IDO2: variants seen among roughly 807,000 people sequenced by gnomAD.
IDO2 encodes the protein indoleamine 2,3-dioxygenase 2.
A neutral mutation model predicts 45.1 loss-of-function variants in IDO2; 46 were observed. The ratio of observed to expected loss-of-function variants is 1.02; its 90% CI spans 0.80 to 1.30. The LOEUF (loss-of-function observed/expected upper bound fraction) is 1.30. IDO2 is among the 50% of genes most tolerant of loss of function. IDO2 has a pLI of 0.00. For missense variants in IDO2, 544 were observed against 491.8 expected, an observed-to-expected ratio of 1.11 and a Z score of -1.00; for synonymous variants, 218 against 184.9, an observed-to-expected ratio of 1.18 and a Z score of -1.45.
chr8:39,995,153 C>A (rs1175248635), intron 8 of IDO2: 1 of 129,588 alleles, frequency 7.7e-6, no homozygotes, highest in African/African-American at 2.8e-5. Context: ...TCTTCTTCTT[C>A]TTCTCCTCCT....
At chr8:39,951,806 A>G (rs1807818238) in intron 2 of IDO2, among the ~76,000 whole-genome samples, 1 of 152,238 alleles carries the variant, frequency 6.6e-6, no homozygotes, top group Non-Finnish European at 1.5e-5. Context: ...GAGGAAAAAC[A>G]GTATTACAAA....
chr8:40,013,945 C>T (rs1802348161), intron 10 of IDO2, among the ~76,000 whole-genome samples: 1 of 152,120 alleles, frequency 6.6e-6, no homozygotes, highest in African/African-American at 2.4e-5. Context: ...TAAAATGTTG[C>T]TCTGTTTCCA....
intron 8 of IDO2, chr8:39,995,197 TCTTCTCCTTCTCCTTCTC>T (rs1203238423): frequency 9.9e-5 from 8 of 80,610 alleles, no homozygotes; most frequent in East Asian, 3.0e-4. Context: ...TTCTTCTTCT[TCTTCTCCTTCTCCTTCTC>T]CTTCTCCTTC....
intron 3 of IDO2, among the ~76,000 whole-genome samples, chr8:39,968,771 A>G (rs1440338762): frequency 1.3e-5 from 2 of 152,080 alleles, no homozygotes; most frequent in African/African-American, 4.8e-5. Context: ...GAGGGGCTTA[A>G]AACCTAGATG....
chr8:39,944,234 C>T (rs4090534), intron 1 of IDO2, among the ~76,000 whole-genome samples: 27,786 of 151,440 alleles, frequency 0.18, 2,944 homozygotes, highest in South Asian at 0.32. Flanking sequence ...GGAATTTCCC[C>T]AGTGAGATCT....
At chr8:40,015,778 T>G in exon 11 of IDO2, 1 of 595,812 alleles carries the variant, frequency 1.7e-6, no homozygotes, top group Non-Finnish European at 3.0e-6. Context: ...CAAAGGAGAG[T>G]TGATGTGGCC....
At chr8:39,947,239 G>A (rs1303845127) in intron 1 of IDO2, among the ~76,000 whole-genome samples, 3 of 142,352 alleles carry the variant, frequency 2.1e-5, no homozygotes, top group South Asian at 2.5e-4. Context: ...GCTGTAAAAT[G>A]TAAAGTAGAT....
intron 3 of IDO2, among the ~76,000 whole-genome samples, chr8:39,977,056 T>C (rs1027956370): frequency 5.9e-5 from 9 of 152,128 alleles, no homozygotes; most frequent in Non-Finnish European, 1.0e-4. Context: ...AAAATAATTA[T>C]ATAACACTCA....
At chr8:39,941,792 A>G (rs1807646924) in intron 1 of IDO2, among the ~76,000 whole-genome samples, 1 of 152,198 alleles carries the variant, frequency 6.6e-6, no homozygotes, top group Admixed American at 6.5e-5. Context: ...GCATGATTCT[A>G]AGAAATGAAT....
At chr8:39,970,698 A>G (rs1458561442) in intron 3 of IDO2, among the ~76,000 whole-genome samples, 1 of 151,376 alleles carries the variant, frequency 6.6e-6, no homozygotes, top group African/African-American at 2.4e-5. Flanking sequence ...GCCAGTGGCT[A>G]CATTTAAAAA....
At chr8:39,953,922 GTCCTTAAAAA>G (rs1437504902) in intron 2 of IDO2, among the ~76,000 whole-genome samples, 26 of 152,122 alleles carry the variant, frequency 1.7e-4, no homozygotes, top group Admixed American at 1.7e-3. Flanking sequence ...TCCCTGTCTT[GTCCTTAAAAA>G]TAATTTGTAA....
At chr8:39,986,674 A>ATAGT (rs1342645615) in intron 6 of IDO2, among the ~76,000 whole-genome samples, 1 of 116,336 alleles carries the variant, frequency 8.6e-6, no homozygotes, top group Non-Finnish European at 1.8e-5. Context: ...CAGCATTGAG[A>ATAGT]TAGATAGATA....
At chr8:40,006,802 A>G (rs1328934300) in intron 9 of IDO2, among the ~76,000 whole-genome samples, 1 of 152,114 alleles carries the variant, frequency 6.6e-6, no homozygotes, top group Non-Finnish European at 1.5e-5. Flanking sequence ...CTGCGATTAC[A>G]GGTGGCTGCC....
intron 8 of IDO2, among the ~76,000 whole-genome samples, chr8:39,997,306 C>A (rs542027425): frequency 8.5e-5 from 13 of 152,102 alleles, no homozygotes; most frequent in African/African-American, 2.6e-4. Flanking sequence ...ACAATACATG[C>A]AGGAGTCTTA....
intron 2 of IDO2, among the ~76,000 whole-genome samples, chr8:39,955,768 G>A (rs1807882998): frequency 6.6e-6 from 1 of 152,114 alleles, no homozygotes; most frequent in Non-Finnish European, 1.5e-5. Flanking sequence ...TTGCTATTTT[G>A]GCATGTCCTC....
chr8:39,974,656 C>T (rs1808232715), intron 3 of IDO2, among the ~76,000 whole-genome samples: 1 of 152,210 alleles, frequency 6.6e-6, no homozygotes, highest in Non-Finnish European at 1.5e-5. Context: ...CTGTGGCTCA[C>T]ACCTGAAATC....
At chr8:39,938,965 A>G (rs1807598589) in intron 1 of IDO2, among the ~76,000 whole-genome samples, 1 of 152,214 alleles carries the variant, frequency 6.6e-6, no homozygotes, top group African/African-American at 2.4e-5. Flanking sequence ...GTAGAAATCC[A>G]CACTCATGCC....
At chr8:40,000,701 GT>G (rs1437599034) in intron 8 of IDO2, among the ~76,000 whole-genome samples, 1 of 152,132 alleles carries the variant, frequency 6.6e-6, no homozygotes, top group Non-Finnish European at 1.5e-5. Flanking sequence ...ATAGCTACAA[GT>G]TTACATATTT....
chr8:39,967,600 G>C (rs551864121), intron 3 of IDO2, among the ~76,000 whole-genome samples: 1 of 152,158 alleles, frequency 6.6e-6, no homozygotes, highest in South Asian at 2.1e-4. Context: ...CAATTGTCCT[G>C]CCTCAGCTTC....
Sources: gnomAD v4.1 joint callset for allele counts (sites outside exome capture counted in the v4.1 genomes callset) on GRCh38, gnomAD v4.1.1 for gene constraint, MANE v1.5 for transcripts, NCBI Gene and HGNC (gene_info 2026-07-23, HGNC 2026-07-21) for gene names.